Variants in FAM168A observed in about 807,000 individuals in gnomAD.
FAM168A encodes family with sequence similarity 168 member A.
Under a neutral mutation model 28.5 loss-of-function variants are expected in FAM168A, and 3 were observed. The observed-to-expected ratio is 0.11, with a 90% CI of 0.05 to 0.27. FAM168A has a LOEUF of 0.27. Among genes scored for constraint, FAM168A ranks in the 10% least tolerant of loss-of-function variants. The pLI, the probability that FAM168A is intolerant of heterozygous loss-of-function variation, is 1.00. For synonymous variants in FAM168A, 122 were observed against 124.2 expected, an observed-to-expected ratio of 0.98 and a Z score of 0.12; for missense variants, 222 against 311.5, an observed-to-expected ratio of 0.71 and a Z score of 2.16.
At chr11:73,535,730 T>G (rs1943571414) in intron 1 of FAM168A, among the ~76,000 whole-genome samples, 1 of 150,020 alleles carries the variant, frequency 6.7e-6, no homozygotes, top group African/African-American at 2.4e-5. Flanking sequence ...TTCTTTTTTT[T>G]TTTTTTTTTT....
At chr11:73,454,296 T>C (rs1456466877) in intron 2 of FAM168A, among the ~76,000 whole-genome samples, 1 of 152,224 alleles carries the variant, frequency 6.6e-6, no homozygotes, top group Non-Finnish European at 1.5e-5. Context: ...CCCAGATTGT[T>C]AGAGCTAACG....
intron 1 of FAM168A, among the ~76,000 whole-genome samples, chr11:73,557,288 T>C (rs1943902471): frequency 1.3e-5 from 2 of 152,082 alleles, no homozygotes; most frequent in African/African-American, 2.4e-5. Flanking sequence ...CACAGAACAA[T>C]CCAATTCATG....
At chr11:73,470,022 C>T (rs1314098431) in intron 1 of FAM168A, among the ~76,000 whole-genome samples, 3 of 152,044 alleles carry the variant, frequency 2.0e-5, no homozygotes, top group African/African-American at 7.2e-5. Context: ...AGCGATTCTC[C>T]AGCCTCAGCC....
chr11:73,477,136 T>C (rs962636200), intron 1 of FAM168A, among the ~76,000 whole-genome samples: 1 of 152,146 alleles, frequency 6.6e-6, no homozygotes, highest in Non-Finnish European at 1.5e-5. Flanking sequence ...ATACCACAGA[T>C]TCTCACTTAT....
chr11:73,539,491 G>C (rs971638924), intron 1 of FAM168A, among the ~76,000 whole-genome samples: 2 of 152,002 alleles, frequency 1.3e-5, no homozygotes, highest in African/African-American at 4.8e-5. Flanking sequence ...GGATGGTCTC[G>C]ATCTTCTGAC....
chr11:73,537,580 G>C (rs1039204803), intron 1 of FAM168A, among the ~76,000 whole-genome samples: 2 of 152,086 alleles, frequency 1.3e-5, no homozygotes, highest in African/African-American at 4.8e-5. Flanking sequence ...CAAACTCCAG[G>C]TTCCGTTCTC....
Position 73,445,419 on chromosome 11 carries a change from C to CTTTTTTTTTTTTTTTTTTTTTTT in FAM168A, c.71-14672_71-14650dup, listed in dbSNP as rs56294455. On this transcript the variant is annotated intron_variant, in intron 2 of 7. Coordinates refer to ENST00000356467, the MANE Select transcript of FAM168A (RefSeq NM_015159.3). The stretch of plus-strand genomic sequence containing the variant: ...CCAGTAGATATATGTAAAAATGTCT[C>CTTTTTTTTTTTTTTTTTTTTTTT]TTTTTTTTTTTTTTTTTTTTTTTTT... Among the ~76,000 whole-genome samples the CTTTTTTTTTTTTTTTTTTTTTTT allele has an allele frequency of 4.8e-4, 24 of 50,458 alleles. 3 individuals carry two copies. Among genetic ancestry groups the CTTTTTTTTTTTTTTTTTTTTTTT allele is most frequent in the African/African-American group, 1.1e-3 (16 of 14,030 alleles). The allele number at this position is 50,458 out of a possible 152,430, so 33.1% of individuals were successfully genotyped here.
chr11:73,484,557 T>TATATCTAC (rs1868017522), intron 1 of FAM168A, among the ~76,000 whole-genome samples: 1 of 143,904 alleles, frequency 6.9e-6, no homozygotes, highest in Non-Finnish European at 1.5e-5. Flanking sequence ...TCTATATCTA[T>TATATCTAC]ATATCTATAT....
chr11:73,498,577 G>C (rs752573624), intron 1 of FAM168A, among the ~76,000 whole-genome samples: 1 of 152,188 alleles, frequency 6.6e-6, no homozygotes, highest in Non-Finnish European at 1.5e-5. Context: ...GGGAGGGGCA[G>C]CAACCAGCAT....
chr11:73,484,508 A>AGAGAGATATATATCTATATC lies in FAM168A; in HGVS notation c.-18-16017_-18-16016insGATATAGATATATATCTCTC, dbSNP rs1211807465. ...GGGGCAGAACTAAGAGGAGAGAGAG[A>AGAGAGATATATATCTATATC]TATATATAGATATATATATCTATAT... On this transcript the variant is annotated intron_variant, in intron 1 of 7. Coordinates refer to ENST00000356467, the MANE Select transcript of FAM168A (RefSeq NM_015159.3). Among the ~76,000 whole-genome samples the AGAGAGATATATATCTATATC allele has an allele frequency of 1.4e-3, 170 of 123,628 alleles. 1 individual carries two copies. The highest frequency in any genetic ancestry group is 2.1e-3 in the Non-Finnish European group (133 of 62,814). The allele number at this position is 123,628 out of a possible 152,430, so 81.1% of individuals were successfully genotyped here.
intron 6 of FAM168A, among the ~76,000 whole-genome samples, chr11:73,409,141 C>T (rs1866561574): frequency 6.6e-6 from 1 of 152,132 alleles, no homozygotes; most frequent in African/African-American, 2.4e-5. Context: ...TCCTTGCTAG[C>T]GATCCAGCCA....
chr11:73,549,988 C>A (rs924222374), intron 1 of FAM168A, among the ~76,000 whole-genome samples: 1 of 152,192 alleles, frequency 6.6e-6, no homozygotes, highest in Admixed American at 6.5e-5. Flanking sequence ...GGAACAACCT[C>A]ACAACTTGGC....
chr11:73,593,064 TTTATAAAAAG>T (rs1360936944), intron 1 of FAM168A, among the ~76,000 whole-genome samples: 1 of 152,178 alleles, frequency 6.6e-6, no homozygotes, highest in African/African-American at 2.4e-5. Flanking sequence ...TATAATTCTA[TTTATAAAAAG>T]TTGCAAAGGT....
At chr11:73,440,893 T>C (rs1011719943) in intron 2 of FAM168A, among the ~76,000 whole-genome samples, 33 of 152,134 alleles carry the variant, frequency 2.2e-4, no homozygotes, top group African/African-American at 7.7e-4. Context: ...AAAAAACTCA[T>C]ATCAATCAAG....
At chr11:73,490,415 G>A (rs369425776) in intron 1 of FAM168A, among the ~76,000 whole-genome samples, 7 of 152,096 alleles carry the variant, frequency 4.6e-5, no homozygotes, top group East Asian at 1.9e-4. Context: ...CCTACCTCAC[G>A]CAGTGGAAAA....
chr11:73,546,558 C>T (rs1255165255), intron 1 of FAM168A, among the ~76,000 whole-genome samples: 2 of 152,114 alleles, frequency 1.3e-5, no homozygotes, highest in African/African-American at 4.8e-5. Flanking sequence ...AATGGTGAAG[C>T]CTTGTCTCTA....
Position 73,468,495 on chromosome 11 carries a change from A to G in FAM168A, c.-18-3T>C. The G allele has an allele frequency of 6.2e-7, 1 of 1,610,528 alleles. No homozygotes were observed. Among genetic ancestry groups the G allele is most frequent in the South Asian group, 1.1e-5 (1 of 90,884 alleles). ...TTCATTGTGGAAGACTGAGGATCCT[A>G]CAGAGAAAACAAAGAAAACAGCACT... On this transcript the variant is annotated splice_polypyrimidine_tract_variant and splice_region_variant and intron_variant, in intron 1 of 7. Coordinates refer to ENST00000356467, the MANE Select transcript of FAM168A (RefSeq NM_015159.3).
chr11:73,451,173 T>C (rs981425558), intron 2 of FAM168A, among the ~76,000 whole-genome samples: 1 of 152,186 alleles, frequency 6.6e-6, no homozygotes, highest in Non-Finnish European at 1.5e-5. Context: ...TCTTAGGCTG[T>C]CTGGGAAGAA....
intron 2 of FAM168A, among the ~76,000 whole-genome samples, chr11:73,455,969 C>T (rs1867524417): frequency 6.6e-6 from 1 of 152,190 alleles, no homozygotes; most frequent in Non-Finnish European, 1.5e-5. Context: ...CTTCATTCAG[C>T]ATGAACAAAG....
Sources: gnomAD v4.1 joint callset for allele counts (sites outside exome capture counted in the v4.1 genomes callset) on GRCh38, gnomAD v4.1.1 for gene constraint, MANE v1.5 for transcripts, NCBI Gene and HGNC (gene_info 2026-07-23, HGNC 2026-07-21) for gene names.